The following PTPRK variants were observed in gnomAD, a reference collection of about 807,000 sequenced individuals.
PTPRK encodes the protein receptor-type tyrosine-protein phosphatase kappa.
In PTPRK, 75 loss-of-function variants were observed where a neutral mutation model predicts 178.0. That is an observed-to-expected ratio of 0.42 (90% CI 0.35 to 0.51). The LOEUF is 0.51. Among genes scored for constraint, PTPRK ranks in the 20% least tolerant of loss-of-function variants. PTPRK has a pLI of 0.02. For synonymous variants in PTPRK, 637 were observed against 620.6 expected (o/e 1.03, Z -0.39); for missense variants, 1,441 against 1,797.8 (o/e 0.80, Z 3.59).
intron 13 of PTPRK, among the ~76,000 whole-genome samples, chr6:128,035,596 GA>G (rs200159686): frequency 3.3e-5 from 5 of 151,334 alleles, no homozygotes; most frequent in African/African-American, 4.9e-5. Flanking sequence ...TTAGGAAACA[GA>G]AAAAAAAATT....
chr6:128,341,865 CAA>C (rs1194275870), intron 2 of PTPRK, among the ~76,000 whole-genome samples: 3 of 152,110 alleles, frequency 2.0e-5, no homozygotes, highest in Admixed American at 6.5e-5. Flanking sequence ...TCCTACAGCT[CAA>C]GAGTCATTTT....
intron 3 of PTPRK, among the ~76,000 whole-genome samples, chr6:128,276,974 A>G (rs1332724928): frequency 6.6e-6 from 1 of 152,234 alleles, no homozygotes; most frequent in Middle Eastern, 3.4e-3. Flanking sequence ...CCATGTCCCA[A>G]AGGGCCTCCC....
At chr6:128,153,709 T>C (rs367838304) in intron 7 of PTPRK, among the ~76,000 whole-genome samples, 1 of 152,100 alleles carries the variant, frequency 6.6e-6, no homozygotes, top group East Asian at 1.9e-4. Context: ...TATAACACTG[T>C]TCTGACAGAC....
rs778921465 is a variant in PTPRK, at chr6:128,067,603, C to A, written c.2073G>T (p.Arg691=). The A allele has an allele frequency of 5.0e-5, 81 of 1,612,978 alleles. No individual in the cohort carries two copies. In the Admixed American group the frequency reaches 1.4e-3, roughly 27 times the overall value. ...GAGGGTTCCAAAAGCCTTGGTAGGT[C>A]CGATTGTCACCCACAGTGAACGGGG... ...EPAPFTVGDN[R]TYQGFWNPPL... Residue 691 remains arginine (R), a synonymous_variant, in exon 12 of 30, where the codon CGG becomes CGT. Coordinates refer to ENST00000368226, the MANE Select transcript of PTPRK (RefSeq NM_002844.4).
intron 3 of PTPRK, among the ~76,000 whole-genome samples, chr6:128,247,303 T>C (rs536811757): frequency 1.8e-4 from 28 of 152,274 alleles, no homozygotes; most frequent in Non-Finnish European, 3.4e-4. Flanking sequence ...AAGTCAGATA[T>C]ATATTTAACT....
intron 1 of PTPRK, among the ~76,000 whole-genome samples, chr6:128,406,238 G>A (rs975695331): frequency 7.2e-5 from 11 of 151,920 alleles, no homozygotes; most frequent in African/African-American, 2.2e-4. Context: ...GGGTGGCAGA[G>A]TGAGACCCCA....
intron 2 of PTPRK, among the ~76,000 whole-genome samples, chr6:128,374,303 T>C (rs746436254): frequency 6.6e-6 from 1 of 152,210 alleles, no homozygotes; most frequent in Non-Finnish European, 1.5e-5. Context: ...TATACCATTG[T>C]GATTTCATCC....
At chr6:128,270,447 C>T (rs73594673) in intron 3 of PTPRK, among the ~76,000 whole-genome samples, 5,664 of 152,102 alleles carry the variant, frequency 0.037, 346 homozygotes, top group African/African-American at 0.13. Context: ...GCTCAAAGGT[C>T]AAGGTATTTT....
intron 1 of PTPRK, among the ~76,000 whole-genome samples, chr6:128,438,614 ACC>A (rs1845912608): frequency 5.3e-5 from 8 of 152,192 alleles, no homozygotes; most frequent in Admixed American, 5.2e-4. Flanking sequence ...GCTGTTGTGC[ACC>A]TCAGATGCAA....
At chr6:128,512,184 A>G (rs1317030466) in intron 1 of PTPRK, among the ~76,000 whole-genome samples, 2 of 152,212 alleles carry the variant, frequency 1.3e-5, no homozygotes, top group East Asian at 1.9e-4. Flanking sequence ...CTCCTATTAA[A>G]TCTTTCTTTA....
intron 1 of PTPRK, among the ~76,000 whole-genome samples, chr6:128,445,402 G>A (rs1846869534): frequency 6.7e-6 from 1 of 148,786 alleles, no homozygotes; most frequent in South Asian, 2.1e-4. Context: ...TTATATAGCT[G>A]CTTCGTGACT....
At chr6:128,400,394 A>G (rs1037568597) in intron 1 of PTPRK, among the ~76,000 whole-genome samples, 18 of 152,338 alleles carry the variant, frequency 1.2e-4, no homozygotes, top group African/African-American at 4.3e-4. Context: ...ATAACTCTGT[A>G]TAATGAGCAT....
intron 7 of PTPRK, among the ~76,000 whole-genome samples, chr6:128,147,305 G>C (rs549273793): frequency 6.6e-6 from 1 of 152,158 alleles, no homozygotes; most frequent in African/African-American, 2.4e-5. Context: ...ACATTTTACA[G>C]AGTTTTTTTA....
intron 7 of PTPRK, among the ~76,000 whole-genome samples, chr6:128,118,972 A>G (rs1376524957): frequency 6.6e-6 from 1 of 152,194 alleles, no homozygotes; most frequent in Admixed American, 6.5e-5. Context: ...CTCTCAGGTG[A>G]GCTTCCATTT....
chr6:128,081,832 A>T (rs977132746), intron 10 of PTPRK, among the ~76,000 whole-genome samples: 1 of 152,054 alleles, frequency 6.6e-6, no homozygotes, highest in Non-Finnish European at 1.5e-5. Flanking sequence ...AAGGAGAAAT[A>T]AGCTCTGTAA....
At position 128,505,107 on chromosome 6, in the gene PTPRK, G is replaced by GTT. The variant is rs34899985; in HGVS notation, c.100+15150_100+15151dup. Among the ~76,000 whole-genome samples the GTT allele has an allele frequency of 8.6e-4, 116 of 135,388 alleles. 1 individual carries two copies. The highest frequency in any genetic ancestry group is 6.9e-3 in the East Asian group (30 of 4,338). 88.8% of individuals were successfully genotyped at this position (135,388 alleles called of 152,430 possible). A position where few individuals can be genotyped will look rare whatever the true frequency, so the allele number is the denominator to read the frequency against. ...TGATAACAACTTAAGAAATTTACTT[G>GTT]TTTTTTTTTTTTTTTGAGACGGAGT... On this transcript the variant is annotated intron_variant, in intron 1 of 29. Coordinates refer to ENST00000368226, the MANE Select transcript of PTPRK (RefSeq NM_002844.4).
intron 2 of PTPRK, among the ~76,000 whole-genome samples, chr6:128,393,139 T>A (rs1194721281): frequency 6.6e-6 from 1 of 150,384 alleles, no homozygotes; most frequent in Non-Finnish European, 1.5e-5. Flanking sequence ...TTACCCAGGC[T>A]GCAGTGCAGT....
chr6:128,410,731 G>A (rs1842211487), intron 1 of PTPRK, among the ~76,000 whole-genome samples: 1 of 152,156 alleles, frequency 6.6e-6, no homozygotes, highest in Non-Finnish European at 1.5e-5. Context: ...AACTGTGTGA[G>A]TCAAAGAAAA....
intron 7 of PTPRK, among the ~76,000 whole-genome samples, chr6:128,102,907 G>A (rs1789028887): frequency 6.6e-6 from 1 of 152,164 alleles, no homozygotes; most frequent in Admixed American, 6.5e-5. Context: ...ACAAGAGGCA[G>A]GGAAATGCTG....
Sources: gnomAD v4.1 joint callset for allele counts (sites outside exome capture counted in the v4.1 genomes callset) on GRCh38, gnomAD v4.1.1 for gene constraint, MANE v1.5 for transcripts, NCBI Gene and HGNC (gene_info 2026-07-23, HGNC 2026-07-21) for gene names.